ENTREP2: variants seen among roughly 807,000 people sequenced by gnomAD.
The protein encoded by ENTREP2 is endosomal transmembrane epsin interactor 2.
chr15:29,402,251 AAT>A, the ENTREP2 span, among the ~76,000 whole-genome samples: 18 of 111,720 alleles, frequency 1.6e-4, no homozygotes, highest in East Asian at 4.2e-4. Context: ...ATTATAGAAG[AAT>A]ATATATATAT....
chr15:29,416,858 A>G, the ENTREP2 span, among the ~76,000 whole-genome samples: 4 of 152,380 alleles, frequency 2.6e-5, no homozygotes, highest in African/African-American at 9.6e-5. Context: ...GACACTTCTC[A>G]AAAGACATTT....
the ENTREP2 span, among the ~76,000 whole-genome samples, chr15:29,626,391 T>A: frequency 7.9e-4 from 121 of 152,324 alleles, 1 homozygote; most frequent in African/African-American, 2.9e-3. Flanking sequence ...GACGGTTTTA[T>A]AAATGGGAGC....
At chr15:29,431,018 C>T in the ENTREP2 span, among the ~76,000 whole-genome samples, 1 of 152,144 alleles carries the variant, frequency 6.6e-6, no homozygotes. Flanking sequence ...CCTAAATATA[C>T]CCCATTCCAG....
chr15:29,203,356 C>A, the ENTREP2 span, among the ~76,000 whole-genome samples: 2 of 152,066 alleles, frequency 1.3e-5, no homozygotes, highest in African/African-American at 4.8e-5. Flanking sequence ...GAGCTGAGAT[C>A]GCGCCACTGC....
the ENTREP2 span, among the ~76,000 whole-genome samples, chr15:29,220,171 G>A: frequency 6.6e-6 from 1 of 152,162 alleles, no homozygotes; most frequent in African/African-American, 2.4e-5. Flanking sequence ...GAGACCCGCT[G>A]GGCTGGCTCA....
the ENTREP2 span, among the ~76,000 whole-genome samples, chr15:29,644,236 G>A: frequency 6.6e-6 from 1 of 152,296 alleles, no homozygotes; most frequent in East Asian, 1.9e-4. Context: ...AGAACCGGCA[G>A]GTCTTTACAG....
At chr15:29,172,181 T>G in the ENTREP2 span, among the ~76,000 whole-genome samples, 1 of 152,100 alleles carries the variant, frequency 6.6e-6, no homozygotes, top group Non-Finnish European at 1.5e-5. Flanking sequence ...CCCTCCAAAA[T>G]CCACACAGTC....
the ENTREP2 span, among the ~76,000 whole-genome samples, chr15:29,598,567 A>G: frequency 0.47 from 71,954 of 151,688 alleles, 17,530 homozygotes; most frequent in Non-Finnish European, 0.54. Context: ...TTGCACTGGT[A>G]AGATATTTTA....
the ENTREP2 span, among the ~76,000 whole-genome samples, chr15:29,297,873 T>TA: frequency 6.6e-6 from 1 of 152,082 alleles, no homozygotes; most frequent in Non-Finnish European, 1.5e-5. Flanking sequence ...AAAAAGACTT[T>TA]AAAAAAATCC....
At chr15:29,159,129 G>C in the ENTREP2 span, among the ~76,000 whole-genome samples, 4 of 152,172 alleles carry the variant, frequency 2.6e-5, no homozygotes, top group African/African-American at 9.6e-5. Context: ...GAGTGTTACA[G>C]CTCTTAAAGG....
the ENTREP2 span, chr15:29,234,510 C>A: frequency 7.1e-7 from 1 of 1,412,056 alleles, no homozygotes; most frequent in Non-Finnish European, 1.0e-6. Flanking sequence ...TAAGAACAAC[C>A]AACGGCAAGG....
chr15:29,616,777 T>A, the ENTREP2 span, among the ~76,000 whole-genome samples: 2 of 151,982 alleles, frequency 1.3e-5, no homozygotes. Flanking sequence ...CAGAGATAAA[T>A]AAGAGGAAAT....
At chr15:29,125,260 A>G in the ENTREP2 span, among the ~76,000 whole-genome samples, 1 of 152,188 alleles carries the variant, frequency 6.6e-6, no homozygotes, top group South Asian at 2.1e-4. Flanking sequence ...GAATGTGAGC[A>G]TGGTGGAGAG....
At chr15:29,150,859 G>A in the ENTREP2 span, among the ~76,000 whole-genome samples, 38 of 152,142 alleles carry the variant, frequency 2.5e-4, no homozygotes, top group Non-Finnish European at 4.9e-4. Flanking sequence ...AAATCATTGC[G>A]TGGGAAGCAG....
chr15:29,371,349 A>ACACACACACACAC, the ENTREP2 span, among the ~76,000 whole-genome samples: 4 of 133,982 alleles, frequency 3.0e-5, no homozygotes, highest in African/African-American at 8.2e-5. Flanking sequence ...CACCCCCGCA[A>ACACACACACACAC]ACACACACAC....
the ENTREP2 span, among the ~76,000 whole-genome samples, chr15:29,146,106 A>G: frequency 6.6e-6 from 1 of 152,256 alleles, no homozygotes; most frequent in African/African-American, 2.4e-5. Context: ...TTAACAAAAA[A>G]GCAAAACTTG....
the ENTREP2 span, among the ~76,000 whole-genome samples, chr15:29,137,531 G>T: frequency 1.3e-5 from 2 of 152,152 alleles, no homozygotes; most frequent in East Asian, 1.9e-4. Context: ...TGCCTGACGT[G>T]CGTGGTTTAA....
At chr15:29,538,095 C>T in the ENTREP2 span, among the ~76,000 whole-genome samples, 10 of 152,164 alleles carry the variant, frequency 6.6e-5, no homozygotes, top group Admixed American at 2.6e-4. Flanking sequence ...CTAGAATGCA[C>T]GCTGTAGGAG....
the ENTREP2 span, among the ~76,000 whole-genome samples, chr15:29,372,738 G>A: frequency 6.6e-6 from 1 of 152,082 alleles, no homozygotes; most frequent in African/African-American, 2.4e-5. Context: ...TATAAAGCTG[G>A]ACTAGTTAAA....
Sources: allele counts gnomAD v4.1 joint callset (sites outside exome capture counted in the v4.1 genomes callset), GRCh38; gene constraint gnomAD v4.1.1; transcripts MANE v1.5; gene names NCBI Gene and HGNC (gene_info 2026-07-23, HGNC 2026-07-21).